Variants in LHFPL3 observed in about 807,000 individuals in gnomAD.
LHFPL3 encodes the protein LHFPL tetraspan subfamily member 3.
LHFPL3 carries 5 observed loss-of-function variants against 19.3 expected under a neutral mutation model. The ratio of observed to expected loss-of-function variants is 0.26; its 90% CI spans 0.14 to 0.54. The LOEUF (loss-of-function observed/expected upper bound fraction) is 0.54, where lower values mean the gene tolerates loss of function less well. Among genes scored for constraint, LHFPL3 ranks in the 20% least tolerant of loss-of-function variants. The probability of loss-of-function intolerance (pLI) is 0.94; values close to 1 mark genes in which losing one functional copy is unlikely to be tolerated. For missense variants in LHFPL3, 249 were observed against 307.4 expected (o/e 0.81, Z 1.42); for synonymous variants, 133 against 126.2 (o/e 1.05, Z -0.36).
chr7:104,429,486 T>G (rs537499458), intron 1 of LHFPL3, among the ~76,000 whole-genome samples: 4 of 129,344 alleles, frequency 3.1e-5, no homozygotes, highest in Non-Finnish European at 4.6e-5. Context: ...TTTTGTTTTG[T>G]TTTTTTTTTA....
At chr7:104,368,474 T>G (rs1352980488) in intron 1 of LHFPL3, among the ~76,000 whole-genome samples, 1 of 152,198 alleles carries the variant, frequency 6.6e-6, no homozygotes, top group Non-Finnish European at 1.5e-5. Flanking sequence ...CTGAATGCAG[T>G]GGATGAGGTA....
At chr7:104,593,492 G>A (rs1482385049) in intron 1 of LHFPL3, among the ~76,000 whole-genome samples, 1 of 152,118 alleles carries the variant, frequency 6.6e-6, no homozygotes, top group African/African-American at 2.4e-5. Context: ...GTGTTGTGTG[G>A]TGCCGAGAAG....
At chr7:104,499,921 C>G (rs1793567645) in intron 1 of LHFPL3, among the ~76,000 whole-genome samples, 2 of 152,062 alleles carry the variant, frequency 1.3e-5, no homozygotes, top group Admixed American at 6.5e-5. Flanking sequence ...ATAAAACAAG[C>G]CAGCAGATTA....
chr7:104,523,101 G>GACAT (rs10682879), intron 1 of LHFPL3, among the ~76,000 whole-genome samples: 83,447 of 151,470 alleles, frequency 0.55, 23,126 homozygotes, highest in Middle Eastern at 0.64. Context: ...TACATATACA[G>GACAT]ACATATGTGT....
chr7:104,805,508 T>A (rs1790342208), intron 2 of LHFPL3, among the ~76,000 whole-genome samples: 1 of 152,224 alleles, frequency 6.6e-6, no homozygotes, highest in South Asian at 2.1e-4. Flanking sequence ...CAGAGTTGAC[T>A]ACATGGTCCC....
intron 2 of LHFPL3, chr7:104,796,692 C>A (rs1233008195): frequency 6.6e-6 from 1 of 152,612 alleles, no homozygotes; most frequent in Non-Finnish European, 1.5e-5. Flanking sequence ...CTTAGAAAAC[C>A]CGGCTCAAAG....
At chr7:104,755,220 C>A (rs1794259847) in intron 2 of LHFPL3, among the ~76,000 whole-genome samples, 2 of 152,222 alleles carry the variant, frequency 1.3e-5, no homozygotes, top group Middle Eastern at 6.8e-3. Flanking sequence ...AATAGTCAAG[C>A]CCAGCAGCAC....
intron 1 of LHFPL3, among the ~76,000 whole-genome samples, chr7:104,489,057 C>G (rs1265515947): frequency 6.6e-6 from 1 of 150,992 alleles, no homozygotes; most frequent in African/African-American, 2.4e-5. Context: ...TCTTGCTGCT[C>G]TACTCTCACT....
chr7:104,574,636 G>T (rs1368807596), intron 1 of LHFPL3, among the ~76,000 whole-genome samples: 1 of 151,838 alleles, frequency 6.6e-6, no homozygotes, highest in African/African-American at 2.4e-5. Context: ...TGCAAACATG[G>T]GTATTGTCAA....
At chr7:104,434,238 G>A (rs902005409) in intron 1 of LHFPL3, among the ~76,000 whole-genome samples, 1 of 152,186 alleles carries the variant, frequency 6.6e-6, no homozygotes, top group Non-Finnish European at 1.5e-5. Context: ...GATAGAGCTA[G>A]GGCATAAAAA....
At chr7:104,334,678 T>A (rs1487783578) in intron 1 of LHFPL3, among the ~76,000 whole-genome samples, 1 of 152,220 alleles carries the variant, frequency 6.6e-6, no homozygotes, top group African/African-American at 2.4e-5. Flanking sequence ...TCCTTGTTCT[T>A]TGATGACAAT....
chr7:104,346,321 G>A (rs1790063908), intron 1 of LHFPL3, among the ~76,000 whole-genome samples: 1 of 146,572 alleles, frequency 6.8e-6, no homozygotes, highest in Admixed American at 6.7e-5. Flanking sequence ...ATTTTTAAGT[G>A]TTCTAGTTAT....
intron 1 of LHFPL3, among the ~76,000 whole-genome samples, chr7:104,691,747 G>A (rs1006808330): frequency 4.6e-5 from 7 of 152,374 alleles, no homozygotes; most frequent in African/African-American, 1.2e-4. Flanking sequence ...TCCCATGTGA[G>A]TGCCTCACCA....
intron 1 of LHFPL3, among the ~76,000 whole-genome samples, chr7:104,352,428 C>T (rs1790196019): frequency 3.3e-5 from 5 of 152,136 alleles, no homozygotes. Context: ...ATTCTCAGCA[C>T]TCTAACCACT....
intron 1 of LHFPL3, among the ~76,000 whole-genome samples, chr7:104,592,289 C>T (rs1790741126): frequency 2.6e-5 from 4 of 152,142 alleles, no homozygotes; most frequent in Admixed American, 2.6e-4. Context: ...TGGTGACGTA[C>T]AGATGGGGTT....
At chr7:104,441,908 C>T (rs187048583) in intron 1 of LHFPL3, among the ~76,000 whole-genome samples, 1 of 152,068 alleles carries the variant, frequency 6.6e-6, no homozygotes, top group Admixed American at 6.6e-5. Flanking sequence ...GATATCTGCC[C>T]AGAAGTGGAA....
chr7:104,603,127 TTTC>T (rs1216223530), intron 1 of LHFPL3, among the ~76,000 whole-genome samples: 1 of 121,528 alleles, frequency 8.2e-6, no homozygotes, highest in Admixed American at 8.4e-5. Context: ...TCTTTCTTTC[TTTC>T]TTTTTTCCCT....
intron 1 of LHFPL3, among the ~76,000 whole-genome samples, chr7:104,487,127 T>C (rs139963590): frequency 1.3e-5 from 2 of 152,182 alleles, no homozygotes; most frequent in Admixed American, 1.3e-4. Context: ...TTCTTCCACA[T>C]TTTTCTTGGA....
At chr7:104,375,297 C>T (rs1790692337) in intron 1 of LHFPL3, among the ~76,000 whole-genome samples, 1 of 152,048 alleles carries the variant, frequency 6.6e-6, no homozygotes, top group South Asian at 2.1e-4. Flanking sequence ...GAGATCACAC[C>T]ACTGCACTCT....
Sources: gnomAD v4.1 joint callset for allele counts (sites outside exome capture counted in the v4.1 genomes callset) on GRCh38, gnomAD v4.1.1 for gene constraint, MANE v1.5 for transcripts, NCBI Gene and HGNC (gene_info 2026-07-23, HGNC 2026-07-21) for gene names.